ATRNL1: variants seen among roughly 807,000 people sequenced by gnomAD.
ATRNL1 encodes attractin-like protein 1.
A neutral mutation model predicts 182.7 loss-of-function variants in ATRNL1; 95 were observed. The observed-to-expected ratio is 0.52, with a 90% CI of 0.44 to 0.62. The LOEUF (loss-of-function observed/expected upper bound fraction) is 0.62. Ranked by LOEUF, ATRNL1 falls within the 20% of genes least tolerant of loss-of-function variation. The pLI is 0.00. For synonymous variants in ATRNL1, 576 were observed against 568.3 expected, an observed-to-expected ratio of 1.01 and a Z score of -0.19; for missense variants, 1,471 against 1,679.5, an observed-to-expected ratio of 0.88 and a Z score of 2.17.
intron 10 of ATRNL1, among the ~76,000 whole-genome samples, chr10:115,257,909 TTTCTTTAA>T (rs1554907494): frequency 1.3e-5 from 2 of 152,232 alleles, no homozygotes; most frequent in East Asian, 3.9e-4. Context: ...TGAAAATTCT[TTTCTTTAA>T]GAATGTTGAA....
At chr10:115,679,190 G>T (rs1945968257) in intron 26 of ATRNL1, among the ~76,000 whole-genome samples, 1 of 152,090 alleles carries the variant, frequency 6.6e-6, no homozygotes, top group Non-Finnish European at 1.5e-5. Context: ...ATGTGTGACG[G>T]AATATGCCTT....
At chr10:115,231,860 G>A (rs1849966641) in intron 9 of ATRNL1, among the ~76,000 whole-genome samples, 1 of 152,102 alleles carries the variant, frequency 6.6e-6, no homozygotes, top group Non-Finnish European at 1.5e-5. Context: ...GAGAATGAGG[G>A]ATAGTGGAAG....
At chr10:115,174,711 G>T (rs1227941373) in intron 8 of ATRNL1, among the ~76,000 whole-genome samples, 2 of 151,880 alleles carry the variant, frequency 1.3e-5, no homozygotes, top group Non-Finnish European at 2.9e-5. Context: ...GCATGGTTGT[G>T]TTCAATAAAA....
intron 28 of ATRNL1, among the ~76,000 whole-genome samples, chr10:115,895,404 G>A (rs534859394): frequency 1.2e-4 from 18 of 152,322 alleles, no homozygotes; most frequent in Non-Finnish European, 1.8e-4. Flanking sequence ...TGTTGCACAC[G>A]GCTGTGCTCA....
At chr10:115,556,765 A>G (rs1412211004) in intron 26 of ATRNL1, among the ~76,000 whole-genome samples, 2 of 151,576 alleles carry the variant, frequency 1.3e-5, no homozygotes. Flanking sequence ...TAATATTACT[A>G]ACAACAACTC....
At chr10:115,532,322 T>C (rs558399988) in intron 25 of ATRNL1, among the ~76,000 whole-genome samples, 11 of 152,192 alleles carry the variant, frequency 7.2e-5, no homozygotes, top group Non-Finnish European at 1.2e-4. Flanking sequence ...TGGTTTGTAG[T>C]TCTCCTTGAA....
At chr10:115,218,474 T>G (rs1412021238) in intron 9 of ATRNL1, among the ~76,000 whole-genome samples, 7 of 152,230 alleles carry the variant, frequency 4.6e-5, no homozygotes, top group Admixed American at 3.9e-4. Context: ...CAAAGTCGAT[T>G]CACCTGGCTT....
At chr10:115,644,618 C>T (rs1592998869) in intron 26 of ATRNL1, among the ~76,000 whole-genome samples, 2 of 152,036 alleles carry the variant, frequency 1.3e-5, no homozygotes, top group Admixed American at 6.6e-5. Flanking sequence ...ATTTGCTAGA[C>T]GTTAAAGATA....
intron 8 of ATRNL1, among the ~76,000 whole-genome samples, chr10:115,214,460 T>C (rs1402402647): frequency 1.3e-5 from 2 of 152,118 alleles, no homozygotes; most frequent in African/African-American, 4.8e-5. Flanking sequence ...TAACATAGAT[T>C]AAGTACCAGT....
chr10:115,811,041 A>G (rs1048792577), intron 27 of ATRNL1, among the ~76,000 whole-genome samples: 1 of 151,672 alleles, frequency 6.6e-6, no homozygotes, highest in Non-Finnish European at 1.5e-5. Context: ...TTAATTTACT[A>G]TTCGTTAGTG....
intron 5 of ATRNL1, among the ~76,000 whole-genome samples, chr10:115,134,456 G>A (rs368925761): frequency 2.6e-5 from 4 of 151,962 alleles, no homozygotes; most frequent in African/African-American, 9.7e-5. Flanking sequence ...ATAATTTCTC[G>A]ACACACACAC....
At chr10:115,359,305 AT>A (rs1279840444) in intron 19 of ATRNL1, among the ~76,000 whole-genome samples, 1 of 151,558 alleles carries the variant, frequency 6.6e-6, no homozygotes, top group Middle Eastern at 3.2e-3. Context: ...CATAGTTAGA[AT>A]TTTGCTGTAT....
At chr10:115,940,898 C>T (rs1260641852) in intron 28 of ATRNL1, among the ~76,000 whole-genome samples, 1 of 152,104 alleles carries the variant, frequency 6.6e-6, no homozygotes, top group African/African-American at 2.4e-5. Context: ...ATATTTAAGG[C>T]ACACACACAT....
intron 26 of ATRNL1, chr10:115,597,989 A>G (rs1267091022): frequency 6.2e-6 from 1 of 161,134 alleles, no homozygotes; most frequent in African/African-American, 2.4e-5. Context: ...AAAGCTTCAC[A>G]TACAAATCCA....
chr10:115,417,665 C>A (rs907759578), intron 20 of ATRNL1, among the ~76,000 whole-genome samples: 8 of 152,164 alleles, frequency 5.3e-5, no homozygotes, highest in Non-Finnish European at 1.0e-4. Flanking sequence ...CTCACCTGTT[C>A]AGAGACCTCC....
chr10:115,165,587 T>G lies in ATRNL1; in HGVS notation c.1034T>G (p.Val345Gly), dbSNP rs782763202. The G allele has an allele frequency of 6.5e-7, 1 of 1,540,368 alleles. No homozygotes were observed. The change falls in exon 7 of 29, where the codon GTA becomes GGA. Residue 345 changes from valine to glycine, a missense_variant. By Grantham distance (109) the Val-to-Gly change is moderately radical. This residue lies in a region of ATRNL1 where 1,031 missense variants were observed against 1,156.0 expected (regional missense o/e 0.89). Coordinates refer to ENST00000355044, the MANE Select transcript of ATRNL1 (RefSeq NM_207303.4). ...AATTTAGAAAGCAGTATATGGAATG[T>G]AGGAACTCCATCAAGGGGACCTCTC... is the stretch of plus-strand genomic sequence containing the variant. Reference protein sequence around the residue: ...NYNLESSIWNVGTPSRGPLQR... With the variant: ...NYNLESSIWNGGTPSRGPLQR...
intron 27 of ATRNL1, among the ~76,000 whole-genome samples, chr10:115,847,175 T>C (rs12413701): frequency 0.19 from 28,706 of 151,886 alleles, 3,296 homozygotes; most frequent in South Asian, 0.29. Context: ...GTCAAAGACA[T>C]AGAAACAGAG....
At chr10:115,539,053 C>G (rs1433822977) in intron 25 of ATRNL1, among the ~76,000 whole-genome samples, 1 of 152,164 alleles carries the variant, frequency 6.6e-6, no homozygotes, top group African/African-American at 2.4e-5. Flanking sequence ...TTTGTTTAAG[C>G]ACCCTCTATG....
At chr10:115,944,379 T>G (rs1953822791) in intron 28 of ATRNL1, among the ~76,000 whole-genome samples, 1 of 151,946 alleles carries the variant, frequency 6.6e-6, no homozygotes, top group African/African-American at 2.4e-5. Flanking sequence ...TAGGGTCATA[T>G]GCACAACTAA....
Sources: allele counts gnomAD v4.1 joint callset (sites outside exome capture counted in the v4.1 genomes callset), GRCh38; gene constraint gnomAD v4.1.1; regional missense constraint gnomAD v4.1.1; transcripts MANE v1.5; gene names NCBI Gene and HGNC (gene_info 2026-07-23, HGNC 2026-07-21).